Variants in ZNF616 observed in about 807,000 individuals in gnomAD.
ZNF616 encodes the protein zinc finger protein 616.
In ZNF616, 5 loss-of-function variants were observed where a neutral mutation model predicts 7.6. The observed-to-expected ratio is 0.66, with a 90% CI of 0.34 to 1.38. ZNF616 has a LOEUF of 1.38. Among genes scored for constraint, ZNF616 ranks in the 40% most tolerant of loss-of-function variants. ZNF616 has a pLI of 0.04. For synonymous variants in ZNF616, 319 were observed against 317.2 expected (o/e 1.01, Z -0.06); for missense variants, 913 against 948.3 (o/e 0.96, Z 0.49).
intron 2 of ZNF616, among the ~76,000 whole-genome samples, chr19:52,128,004 A>G (rs1001908359): frequency 2.0e-5 from 3 of 152,166 alleles, no homozygotes; most frequent in Admixed American, 2.0e-4. Flanking sequence ...ATGAGGGATG[A>G]TGGAGAAAGT....
intron 3 of ZNF616, among the ~76,000 whole-genome samples, chr19:52,119,987 TAC>T (rs1279955030): frequency 6.6e-6 from 1 of 152,274 alleles, no homozygotes; most frequent in East Asian, 1.9e-4. Context: ...ATTTATTTTG[TAC>T]ACACACAAAA....
At chr19:52,117,461 C>T (rs995486654) in intron 3 of ZNF616, among the ~76,000 whole-genome samples, 2 of 152,118 alleles carry the variant, frequency 1.3e-5, no homozygotes, top group Middle Eastern at 3.4e-3. Flanking sequence ...TAAATATTCA[C>T]AAGATAAACT....
At chr19:52,125,523 C>T (rs978202281) in intron 2 of ZNF616, among the ~76,000 whole-genome samples, 1 of 152,170 alleles carries the variant, frequency 6.6e-6, no homozygotes, top group African/African-American at 2.4e-5. Flanking sequence ...TCTAGACATC[C>T]TGGAGTAGGA....
chr19:52,134,055 T>C (rs1209786945), intron 1 of ZNF616, among the ~76,000 whole-genome samples: 1 of 152,144 alleles, frequency 6.6e-6, no homozygotes, highest in East Asian at 1.9e-4. Context: ...GCGCATTATT[T>C]TGTTCATTTT....
In ZNF616 at chr19:52,139,699, T is replaced by G. The variant is rs1361642053; in HGVS notation, c.-77+33A>C. 6.6e-6 allele frequency: 1 copy of G among 152,286 alleles called. No homozygotes were observed. Among genetic ancestry groups the G allele is most frequent in the Non-Finnish European group, 1.5e-5 (1 of 68,160 alleles). 9.4% of individuals were successfully genotyped at this position (152,286 alleles called of 1,614,324 possible). ...GGCAAGGAACAGCCTGAGAGAGATT[T>G]TAAACCGACAGGGAAGCAATTCTCG... is the stretch of plus-strand genomic sequence containing the variant. On this transcript the variant is annotated intron_variant, in intron 1 of 3. Transcript: ENST00000600228. This position sits in a 1 kb window ranked among gnomAD's most constrained non-coding sequence, Gnocchi z 4.1.
At chr19:52,118,654 C>G (rs1197872952) in intron 3 of ZNF616, among the ~76,000 whole-genome samples, 2 of 152,124 alleles carry the variant, frequency 1.3e-5, no homozygotes, top group African/African-American at 4.8e-5. Flanking sequence ...TTCAACCACC[C>G]AATCTACAAT....
rs200832098 is a variant in ZNF616, at chr19:52,116,245, T to A, written c.919A>T (p.Ser307Cys). Residue 307 changes from serine (S) to cysteine (C), a missense_variant, in exon 4 of 4, where the codon AGT (serine) becomes TGT (cysteine). Coordinates refer to ENST00000600228, the MANE Select transcript of ZNF616 (RefSeq NM_178523.5). ...YKCNLCGKSF[S>C]QRVHLRLHQT... ...TGAAGTCTAAGATGGACACGCTGAC[T>A]AAAGGATTTCCCACACAGATTACAT... 236 of 1,614,192 alleles carry A rather than the reference T, an allele frequency of 1.5e-4. No homozygotes were observed. Among genetic ancestry groups the A allele is most frequent in the Non-Finnish European group, 1.9e-4 (224 of 1,180,026 alleles).
chr19:52,126,557 CAGG>C (rs2088909887), intron 2 of ZNF616, among the ~76,000 whole-genome samples: 1 of 151,568 alleles, frequency 6.6e-6, no homozygotes, highest in African/African-American at 2.4e-5. Flanking sequence ...CACCTGAGGT[CAGG>C]AGTTTAAGAC....
chr19:52,136,603 A>T (rs981951174), intron 1 of ZNF616, among the ~76,000 whole-genome samples: 1 of 152,206 alleles, frequency 6.6e-6, no homozygotes, highest in Non-Finnish European at 1.5e-5. Context: ...TAGCAATGAT[A>T]TGGAGAAAAA....
intron 3 of ZNF616, among the ~76,000 whole-genome samples, chr19:52,122,015 T>C (rs182196684): frequency 2.6e-5 from 4 of 151,394 alleles, no homozygotes; most frequent in Admixed American, 2.6e-4. Flanking sequence ...TATAATAAAG[T>C]AAGATTTGAA....
Position 52,116,100 on chromosome 19 carries a change from C to T in ZNF616, c.1064G>A (p.Cys355Tyr). 1 of 1,614,218 alleles carries T rather than the reference C, an allele frequency of 6.2e-7. No homozygotes were observed. The highest frequency in any genetic ancestry group is 8.5e-7 in the Non-Finnish European group (1 of 1,180,048). Residue 355 changes from cysteine (C) to tyrosine (Y), a missense_variant, in exon 4 of 4, where the codon TGT becomes TAT. By Grantham distance (194) the Cys-to-Tyr change is radical. Coordinates refer to ENST00000600228, the MANE Select transcript of ZNF616 (RefSeq NM_178523.5). ...TCTGAATGCCTTGCCACATACATCA[C>T]ATTTATATGGTTTCTTTCCTGCATG... ...VIHAGKKPYK[C>Y]DVCGKAFRHR... is the part of the protein sequence containing the mutation.
In ZNF616 at chr19:52,116,550, C is replaced by G; in HGVS notation, c.614G>C (p.Arg205Thr). The G allele has an allele frequency of 1.2e-6, 2 of 1,614,052 alleles. No homozygotes were observed. Among genetic ancestry groups the G allele is most frequent in the Non-Finnish European group, 8.5e-7 (1 of 1,180,000 alleles). ...GTAAGGTTTCTCTGTAGTATGTATCCTCTGATGATTAATAAGGCTGGAAGA... is the reference window on the plus strand; with the variant it reads ...GTAAGGTTTCTCTGTAGTATGTATCGTCTGATGATTAATAAGGCTGGAAGA... ...KASSSLINHQ[R>T]IHTTEKPYKC... is the part of the protein sequence containing the mutation. The change falls in exon 4 of 4, where the codon AGG (arginine) becomes ACG (threonine). Residue 205 changes from arginine (R) to threonine (T), a missense_variant. Transcript: ENST00000600228.
At position 52,116,876 on chromosome 19, in the gene ZNF616, G is replaced by C; in HGVS notation, c.288C>G (p.Asp96Glu). 1 of 1,613,818 alleles carries C rather than the reference G, an allele frequency of 6.2e-7. No individual in the cohort carries two copies. The highest frequency in any genetic ancestry group is 8.5e-7 in the Non-Finnish European group (1 of 1,179,940). ...YFREIQKHLH[D>E]LEFQWKDGET... The stretch of plus-strand genomic sequence containing the variant: ...CACCATCTTTCCATTGAAATTCAAG[G>C]TCATGTAGATGTTTCTGTATTTCCC... Residue 96 changes from aspartate to glutamate, a missense_variant, in exon 4 of 4, where the codon GAC becomes GAG. Asp to Glu is a conservative substitution (Grantham distance 45). Coordinates refer to ENST00000600228, the MANE Select transcript of ZNF616 (RefSeq NM_178523.5).
chr19:52,135,494 C>T (rs2088999594), intron 1 of ZNF616, among the ~76,000 whole-genome samples: 1 of 152,132 alleles, frequency 6.6e-6, no homozygotes, highest in Non-Finnish European at 1.5e-5. Flanking sequence ...CCAAAATACT[C>T]CAAAATAACA....
intron 1 of ZNF616, among the ~76,000 whole-genome samples, 161 bp from the exon 2 acceptor site, chr19:52,130,749 T>C (rs906002317): frequency 6.6e-6 from 1 of 152,214 alleles, no homozygotes; most frequent in African/African-American, 2.4e-5. Context: ...CAAGTGAATC[T>C]TTCACCGTTT....
At position 52,139,844 on chromosome 19, in the gene ZNF616, C is replaced by A. The variant is rs545604712; in HGVS notation, c.-189G>T. 1.3e-5 allele frequency: 2 copies of A among 152,372 alleles called. No individual in the cohort carries two copies. Among genetic ancestry groups the A allele is most frequent in the East Asian group, 3.9e-4 (2 of 5,178 alleles). The allele number at this position is 152,372 out of a possible 1,614,324, so 9.4% of individuals were successfully genotyped here. On this transcript the variant is annotated 5_prime_UTR_variant, in exon 1 of 4. Transcript: ENST00000600228. This position sits in a 1 kb window ranked among gnomAD's most constrained non-coding sequence, Gnocchi z 4.1. ...GAGGACTGCAAAGTGCACGTTTAAT[C>A]CAGGCAGACGGAGCGAAGTAATGTT...
chr19:52,131,967 C>G (rs1822634892), intron 1 of ZNF616, among the ~76,000 whole-genome samples: 1 of 151,986 alleles, frequency 6.6e-6, no homozygotes, highest in Non-Finnish European at 1.5e-5. Flanking sequence ...GTGGCTGGAG[C>G]AGAGGGAGTG....
chr19:52,115,750 T>G lies in ZNF616; in HGVS notation c.1414A>C (p.Lys472Gln). The change falls in exon 4 of 4, where the codon AAA becomes CAA. Residue 472 changes from lysine (K) to glutamine (Q), a missense_variant. Transcript: ENST00000600228. ...AGTCGTGAATGTATGCTGAAAACTT[T>G]GCCACATTCATTGCATTTATAAGCT... The part of the protein sequence containing the change: ...EKAYKCNECG[K>Q]VFSIHSRLAA... The G allele has an allele frequency of 1.2e-6, 2 of 1,614,210 alleles. No individual in the cohort carries two copies. Among genetic ancestry groups the G allele is most frequent in the Non-Finnish European group, 1.7e-6 (2 of 1,180,038 alleles).
chr19:52,116,842 C>A lies in ZNF616; in HGVS notation c.322G>T (p.Asp108Tyr). The change falls in exon 4 of 4, where the codon GAT (aspartate) becomes TAT (tyrosine). Residue 108 changes from aspartate to tyrosine, a missense_variant. By Grantham distance (160) the Asp-to-Tyr change is radical. Coordinates refer to ENST00000600228, the MANE Select transcript of ZNF616 (RefSeq NM_178523.5). ...EFQWKDGETN[D>Y]KEVPVPHENN... Reference sequence around the variant, plus strand: ...TCATGGGGCACTGGCACTTCTTTATCATTTGTTTCACCATCTTTCCATTGA... The same window carrying A: ...TCATGGGGCACTGGCACTTCTTTATAATTTGTTTCACCATCTTTCCATTGA... 1 of 1,613,756 alleles carries A rather than the reference C, an allele frequency of 6.2e-7. No individual in the cohort carries two copies. Among genetic ancestry groups the A allele is most frequent in the Non-Finnish European group, 8.5e-7 (1 of 1,179,852 alleles).
Sources: gnomAD v4.1 joint callset for allele counts (sites outside exome capture counted in the v4.1 genomes callset) on GRCh38, gnomAD v4.1.1 for gene constraint, Gnocchi (gnomAD v3.1) non-coding constraint, MANE v1.5 for transcripts, NCBI Gene and HGNC (gene_info 2026-07-23, HGNC 2026-07-21) for gene names.